Variants in CLDN16 observed in about 807,000 individuals in gnomAD.
CLDN16 encodes claudin-16.
CLDN16 carries 13 observed loss-of-function variants against 24.6 expected under a neutral mutation model. That is an observed-to-expected ratio of 0.53 (90% confidence interval 0.34 to 0.84). The LOEUF (loss-of-function observed/expected upper bound fraction) is 0.84, where lower values mean the gene tolerates loss of function less well. Ranked by LOEUF, CLDN16 falls within the 40% of genes least tolerant of loss-of-function variation. The probability of loss-of-function intolerance (pLI) is 0.01; values close to 1 mark genes in which losing one functional copy is unlikely to be tolerated. For missense variants in CLDN16, 298 were observed against 292.7 expected, an observed-to-expected ratio of 1.02 and a Z score of -0.13; for synonymous variants, 116 against 106.7, an observed-to-expected ratio of 1.09 and a Z score of -0.54.
At chr3:190,327,939 G>A (rs1385725430) in intron 1 of CLDN16, among the ~76,000 whole-genome samples, 1 of 152,042 alleles carries the variant, frequency 6.6e-6, no homozygotes, top group Non-Finnish European at 1.5e-5. Flanking sequence ...TTTTTTGTGT[G>A]TGTTTAGAGA....
Position 190,388,390 on chromosome 3 carries a change from A to C in CLDN16, c.61A>C (p.Ile21Leu). The change falls in exon 1 of 5, where the codon ATT becomes CTT. Residue 21 changes from isoleucine to leucine, a missense_variant. By Grantham distance (5) the Ile-to-Leu change is conservative. Coordinates refer to ENST00000264734, the MANE Select transcript of CLDN16 (RefSeq NM_006580.4). ...FFAFFSAGFL[I>L]VATWTDCWMV... ...TGCCTTTTTCTCTGCTGGGTTTTTG[A>C]TTGTGGCCACCTGGACTGACTGTTG... The C allele has an allele frequency of 6.2e-7, 1 of 1,613,876 alleles. No homozygotes were observed. Among genetic ancestry groups the C allele is most frequent in the Non-Finnish European group, 8.5e-7 (1 of 1,179,950 alleles).
At chr3:190,379,446 T>C (rs931106663) in intron 3 of CLDN16, among the ~76,000 whole-genome samples, 1 of 152,126 alleles carries the variant, frequency 6.6e-6, no homozygotes, top group Non-Finnish European at 1.5e-5. Flanking sequence ...CTGATGAATT[T>C]CTGGTGCCTA....
intron 1 of CLDN16, among the ~76,000 whole-genome samples, chr3:190,348,766 TAC>T (rs1350592396): frequency 5.3e-5 from 8 of 152,252 alleles, no homozygotes; most frequent in Admixed American, 2.6e-4. Context: ...ATCACCCAGG[TAC>T]TAAGCCTAGT....
chr3:190,318,004 G>T (rs1716815434), upstream of CLDN16, among the ~76,000 whole-genome samples: 2 of 152,170 alleles, frequency 1.3e-5, no homozygotes, highest in Non-Finnish European at 2.9e-5. Context: ...GCAATTAAAT[G>T]AGCTCAACAC....
At chr3:190,370,060 G>A (rs186110505) in intron 1 of CLDN16, among the ~76,000 whole-genome samples, 144 of 152,034 alleles carry the variant, frequency 9.5e-4, no homozygotes, top group African/African-American at 3.2e-3. Flanking sequence ...GTATGACAAC[G>A]TAGTAGAAAG....
chr3:190,363,554 G>GCATATATA (rs10663299), intron 1 of CLDN16, among the ~76,000 whole-genome samples: 4,337 of 81,056 alleles, frequency 0.054, 766 homozygotes, highest in East Asian at 0.073. Context: ...GTGTGTGTGT[G>GCATATATA]TGTATATATA....
intron 1 of CLDN16, among the ~76,000 whole-genome samples, chr3:190,333,566 CT>C (rs1717230262): frequency 4.0e-5 from 5 of 124,550 alleles, no homozygotes; most frequent in African/African-American, 1.5e-4. Flanking sequence ...ATCTATCTAT[CT>C]ATCTATCTAT....
At chr3:190,395,326 C>T (rs376953226) in intron 1 of CLDN16, among the ~76,000 whole-genome samples, 10 of 151,954 alleles carry the variant, frequency 6.6e-5, no homozygotes, top group East Asian at 5.8e-4. Flanking sequence ...GTTTTTCTTT[C>T]GTATCTTATA....
rs531168419 is a variant in CLDN16, at chr3:190,362,001, G to GGTCTAACCAGTCTAACCTGGTCTAACCA, written n.122-8865_122-8864insAGTCTAACCAGTCTAACCTGGTCTAACC. Among the ~76,000 whole-genome samples, 1,009 of 150,150 alleles carry GGTCTAACCAGTCTAACCTGGTCTAACCA rather than the reference G, an allele frequency of 6.7e-3. 15 individuals are homozygous for GGTCTAACCAGTCTAACCTGGTCTAACCA. Among genetic ancestry groups the GGTCTAACCAGTCTAACCTGGTCTAACCA allele is most frequent in the African/African-American group, 0.023 (950 of 40,740 alleles). On this transcript the variant is annotated intron_variant and non_coding_transcript_variant, in intron 1 of 4. Transcript: ENST00000468220. ...AGTGCCCTATACAAATGGCACACCT[G>GGTCTAACCAGTCTAACCTGGTCTAACCA]GTCTAACCAGTCTAACCTGGTCTAA...
chr3:190,389,417 T>A (rs1253007008), intron 1 of CLDN16, among the ~76,000 whole-genome samples: 3 of 152,362 alleles, frequency 2.0e-5, no homozygotes, highest in Admixed American at 1.3e-4. Context: ...GATACTCGAC[T>A]GAGTTTATAT....
the CLDN16 span, among the ~76,000 whole-genome samples, chr3:190,309,137 C>A: frequency 6.6e-6 from 1 of 152,198 alleles, no homozygotes; most frequent in East Asian, 1.9e-4. Context: ...CACCTCTCAG[C>A]CTCAGTTTCT....
At chr3:190,335,708 CAAAAAAAAAAAA>C (rs34082811) in intron 1 of CLDN16, among the ~76,000 whole-genome samples, 3 of 60,136 alleles carry the variant, frequency 5.0e-5, no homozygotes, top group African/African-American at 2.0e-4. Context: ...AAGACTCCAT[CAAAAAAAAAAAA>C]AAAAAAAAAA....
At chr3:190,308,218 A>T in the CLDN16 span, 2 of 1,579,232 alleles carry the variant, frequency 1.3e-6, no homozygotes, top group Admixed American at 3.3e-5. Flanking sequence ...TGTTAATGAT[A>T]GTATCTCAAT....
At chr3:190,350,050 G>A (rs1043969819) in intron 1 of CLDN16, among the ~76,000 whole-genome samples, 5 of 152,108 alleles carry the variant, frequency 3.3e-5, no homozygotes, top group African/African-American at 1.2e-4. Flanking sequence ...CAAGCTATGG[G>A]AAAATGAGGA....
At chr3:190,398,235 C>A (rs1718868532) in intron 1 of CLDN16, among the ~76,000 whole-genome samples, 1 of 152,180 alleles carries the variant, frequency 6.6e-6, no homozygotes, top group Non-Finnish European at 1.5e-5. Context: ...TAACAAATGA[C>A]CATAAACTCG....
At chr3:190,363,546 G>A (rs1279901137) in intron 1 of CLDN16, among the ~76,000 whole-genome samples, 1 of 16,194 alleles carries the variant, frequency 6.2e-5, no homozygotes, top group African/African-American at 2.2e-4. Context: ...CTGTGCGTGT[G>A]TGTGTGTGTG....
intron 1 of CLDN16, among the ~76,000 whole-genome samples, chr3:190,361,621 T>C (rs1194340796): frequency 2.0e-5 from 3 of 151,952 alleles, no homozygotes; most frequent in African/African-American, 7.2e-5. Flanking sequence ...GGAGATAACA[T>C]TGATACAAGA....
upstream of CLDN16, among the ~76,000 whole-genome samples, chr3:190,386,234 G>T (rs17444838): frequency 6.6e-6 from 1 of 152,024 alleles, no homozygotes; most frequent in African/African-American, 2.4e-5. Flanking sequence ...TTTGTATTCC[G>T]TGGGCAATGA....
chr3:190,365,674 T>C (rs966892492), intron 1 of CLDN16, among the ~76,000 whole-genome samples: 1 of 151,302 alleles, frequency 6.6e-6, no homozygotes, highest in East Asian at 2.0e-4. Flanking sequence ...TTAGATATCT[T>C]TGTGTTTTAC....
Sources: gnomAD v4.1 joint callset for allele counts (sites outside exome capture counted in the v4.1 genomes callset) on GRCh38, gnomAD v4.1.1 for gene constraint, MANE v1.5 for transcripts, NCBI Gene and HGNC (gene_info 2026-07-23, HGNC 2026-07-21) for gene names.